The following ANKRD36C variants were observed in gnomAD, a reference collection of about 807,000 sequenced individuals.
ANKRD36C encodes the protein ankyrin repeat domain-containing protein 36C.
In ANKRD36C, 61 loss-of-function variants were observed where a neutral mutation model predicts 276.4. The observed-to-expected ratio is 0.22, with a 90% CI of 0.18 to 0.27. The LOEUF is 0.27. Among genes scored for constraint, ANKRD36C ranks in the 10% least tolerant of loss-of-function variants. ANKRD36C has a pLI of 1.00. For missense variants in ANKRD36C, 1,447 were observed against 2,032.3 expected, an observed-to-expected ratio of 0.71 and a Z score of 5.54; for synonymous variants, 483 against 680.1, an observed-to-expected ratio of 0.71 and a Z score of 4.51.
At chr2:95,855,338 T>C (rs1423341848) in exon 63 of ANKRD36C, 15 of 1,611,210 alleles carry the variant, frequency 9.3e-6, no homozygotes, top group Non-Finnish European at 1.3e-5. Context: ...TCACCAACAT[T>C]TTATTGTCTT....
intron 48 of ANKRD36C, 97 bp downstream of exon 68, chr2:95,889,702 C>T: frequency 1.4e-6 from 2 of 1,442,722 alleles, no homozygotes; most frequent in South Asian, 1.2e-5. Context: ...TGAATCAGAA[C>T]ATGAAGATTT....
intron 22 of ANKRD36C, among the ~76,000 whole-genome samples, chr2:95,937,169 G>A (rs1396632868): frequency 1.3e-5 from 2 of 152,342 alleles, no homozygotes; most frequent in African/African-American, 4.8e-5. Flanking sequence ...ACACCATTAT[G>A]TGTTATGTGT....
chr2:95,948,021 G>A (rs1379490177), intron 17 of ANKRD36C, among the ~76,000 whole-genome samples: 1 of 151,858 alleles, frequency 6.6e-6, no homozygotes, highest in East Asian at 1.9e-4. Context: ...TAAAGAAGTA[G>A]CTCTCTGCAA....
intron 64 of ANKRD36C, chr2:95,853,282 G>A (rs201387496): frequency 1.9e-5 from 3 of 157,118 alleles, no homozygotes; most frequent in Non-Finnish European, 4.2e-5. Flanking sequence ...AGACTAAAAA[G>A]AAGATAATTT....
At chr2:95,979,813 C>A (rs1678880833) in intron 5 of ANKRD36C, among the ~76,000 whole-genome samples, 2 of 151,942 alleles carry the variant, frequency 1.3e-5, no homozygotes, top group African/African-American at 4.8e-5. Context: ...CCATGAAGGT[C>A]TAGAAGCCCA....
chr2:95,921,298 C>T (rs1443684843), intron 34 of ANKRD36C, among the ~76,000 whole-genome samples: 3 of 150,710 alleles, frequency 2.0e-5, no homozygotes, highest in African/African-American at 4.9e-5. Flanking sequence ...CTTAGTGAAA[C>T]CATGCTGTAG....
intron 1 of ANKRD36C, 62 bp from the exon 2 acceptor site, chr2:95,987,268 C>T: frequency 6.7e-7 from 1 of 1,488,082 alleles, no homozygotes; most frequent in Non-Finnish European, 8.9e-7. Flanking sequence ...CATGTTATTT[C>T]TCTGTCTTCA....
In ANKRD36C at chr2:95,852,110, C is replaced by G; in HGVS notation, c.5219+16G>C. 2 of 1,602,220 alleles carry G rather than the reference C, an allele frequency of 1.2e-6. No homozygotes were observed. Among genetic ancestry groups the G allele is most frequent in the South Asian group, 1.1e-5 (1 of 90,438 alleles). ...ATAAATACTCAAGTTATTTTGTGTG[C>G]TGCTTCAAATTTTACTTTTGTGCGT... On this transcript the variant is annotated intron_variant, in intron 65 of 66. Transcript: ENST00000456556.
intron 5 of ANKRD36C, among the ~76,000 whole-genome samples, chr2:95,980,261 C>G (rs1202679626): frequency 6.6e-6 from 1 of 152,032 alleles, no homozygotes; most frequent in Non-Finnish European, 1.5e-5. Flanking sequence ...GTAGATGGTC[C>G]CCAGTGCACA....
At chr2:95,956,693 C>T in intron 13 of ANKRD36C, 93 bp downstream of exon 13, 1 of 1,151,642 alleles carries the variant, frequency 8.7e-7, no homozygotes, top group African/African-American at 1.6e-5. Flanking sequence ...AATACGGTGT[C>T]TAGCACAGAG....
chr2:95,929,628 T>C (rs1169304452), intron 24 of ANKRD36C, among the ~76,000 whole-genome samples: 2 of 151,626 alleles, frequency 1.3e-5, no homozygotes, highest in Non-Finnish European at 3.0e-5. Context: ...TCAAAGCAGG[T>C]GATACATGCA....
At chr2:95,870,859 T>C (rs927815644) in intron 59 of ANKRD36C, among the ~76,000 whole-genome samples, 4 of 152,108 alleles carry the variant, frequency 2.6e-5, no homozygotes, top group Non-Finnish European at 5.9e-5. Flanking sequence ...TCGAGAACTA[T>C]GTGAAGAGTG....
At chr2:95,893,471 G>A in intron 44 of ANKRD36C, 62 bp downstream of exon 64, 7 of 1,528,628 alleles carry the variant, frequency 4.6e-6, no homozygotes, top group Non-Finnish European at 6.2e-6. Context: ...TGATTTATTT[G>A]GGGAAGGGAA....
chr2:95,964,261 G>A (rs965429583), intron 6 of ANKRD36C, among the ~76,000 whole-genome samples: 1 of 150,710 alleles, frequency 6.6e-6, no homozygotes, highest in Admixed American at 6.6e-5. Flanking sequence ...TATCATTGAT[G>A]TGCAAAACTT....
chr2:95,966,420 A>G (rs1678592599), intron 6 of ANKRD36C, among the ~76,000 whole-genome samples: 1 of 152,210 alleles, frequency 6.6e-6, no homozygotes, highest in Non-Finnish European at 1.5e-5. Flanking sequence ...TTTATTAAAT[A>G]GGGAATCCTT....
Position 95,891,878 on chromosome 2 carries a change from T to C in ANKRD36C, c.2756-18A>G, listed in dbSNP as rs561975574. The C allele has an allele frequency of 3.2e-6, 5 of 1,557,586 alleles. No individual in the cohort carries two copies. The African/African-American group carries it at 5.5e-5, about 17-fold the overall frequency. On this transcript the variant is annotated intron_variant, in intron 44 of 66. Transcript: ENST00000456556. ...AGAAGACACTGAAAAGTAAAAGGGA[T>C]TCATAATCACTCATATGTAAAAATG...
In ANKRD36C at chr2:95,934,347, C is replaced by A. The variant is rs1573780038; in HGVS notation, c.1735+1107G>T. On this transcript the variant is annotated intron_variant, in intron 24 of 66. Coordinates refer to ENST00000456556, the Ensembl canonical transcript of ANKRD36C. The stretch of plus-strand genomic sequence containing the variant: ...TACTCACAATAGCAAAGACTTGGAA[C>A]CAGCCCGAATGCCCATCAGTGATAG... Among the ~76,000 whole-genome samples the A allele has an allele frequency of 2.0e-5, 3 of 152,076 alleles. No homozygotes were observed. The East Asian group carries it at 5.8e-4, about 29-fold the overall frequency.
chr2:95,896,204 T>C (rs1474322507), intron 44 of ANKRD36C, among the ~76,000 whole-genome samples: 5 of 149,000 alleles, frequency 3.4e-5, no homozygotes, highest in East Asian at 2.0e-4. Flanking sequence ...CTAAGTTTCA[T>C]GTATCCACTA....
rs932119602 is a variant in ANKRD36C at position 95,908,318 on chromosome 2, C to T, written c.2653+3926G>A. ...CAATATGGGGAAGTGTATAATCTTA[C>T]GGCGAAGATCATGTTCCAGACCAGC... On this transcript the variant is annotated intron_variant, in intron 42 of 66. Transcript: ENST00000456556. Among the ~76,000 whole-genome samples the T allele has an allele frequency of 2.9e-4, 43 of 150,864 alleles. 2 individuals carry two copies. The highest frequency in any genetic ancestry group is 4.2e-4 in the Non-Finnish European group (28 of 67,366).
Sources: gnomAD v4.1 joint callset for allele counts (sites outside exome capture counted in the v4.1 genomes callset) on GRCh38, gnomAD v4.1.1 for gene constraint, MANE v1.5 for transcripts, NCBI Gene and HGNC (gene_info 2026-07-23, HGNC 2026-07-21) for gene names.